The following ASAP1 variants were observed in gnomAD, a reference collection of about 807,000 sequenced individuals.
ASAP1 encodes arf-GAP with SH3 domain, ANK repeat and PH domain-containing protein 1.
A neutral mutation model predicts 145.2 loss-of-function variants in ASAP1; 43 were observed. The ratio of observed to expected loss-of-function variants is 0.30; its 90% CI spans 0.23 to 0.38. The LOEUF is 0.38. Ranked by LOEUF, ASAP1 falls within the 10% of genes least tolerant of loss-of-function variation. The probability of loss-of-function intolerance (pLI) is 1.00; values close to 1 mark genes in which losing one functional copy is unlikely to be tolerated. For missense variants in ASAP1, 1,018 were observed against 1,355.3 expected (o/e 0.75, Z 3.91); for synonymous variants, 546 against 515.5 (o/e 1.06, Z -0.80).
intron 15 of ASAP1, among the ~76,000 whole-genome samples, chr8:130,130,751 G>A (rs896663677): frequency 2.0e-5 from 3 of 152,112 alleles, no homozygotes; most frequent in Non-Finnish European, 4.4e-5. Flanking sequence ...ATCTGCCTAA[G>A]GTTAAAAAGC....
At chr8:130,088,631 C>T (rs955508525) in intron 25 of ASAP1, among the ~76,000 whole-genome samples, 2 of 152,128 alleles carry the variant, frequency 1.3e-5, no homozygotes, top group African/African-American at 4.8e-5. Context: ...GATTTTGGAC[C>T]TCTAGCTTCT....
intron 3 of ASAP1, among the ~76,000 whole-genome samples, chr8:130,323,257 A>C (rs1824123063): frequency 6.6e-6 from 1 of 152,230 alleles, no homozygotes. Context: ...TTCAAGCCTG[A>C]ACATTACGGA....
intron 3 of ASAP1, among the ~76,000 whole-genome samples, chr8:130,270,249 G>T (rs1450504368): frequency 6.6e-6 from 1 of 152,152 alleles, no homozygotes; most frequent in Non-Finnish European, 1.5e-5. Context: ...GTCACTTTGG[G>T]CCCATGTTTC....
intron 1 of ASAP1, among the ~76,000 whole-genome samples, chr8:130,436,020 G>GC (rs1381555869): frequency 6.6e-6 from 1 of 152,174 alleles, no homozygotes; most frequent in African/African-American, 2.4e-5. Context: ...GAGCCACTAA[G>GC]CCCCCAAACC....
chr8:130,052,665 G>GGGGAAA lies in ASAP1; in HGVS notation c.*2060_*2065dup, dbSNP rs1178329980. 4 of 150,840 alleles carry GGGGAAA rather than the reference G, an allele frequency of 2.7e-5. No homozygotes were observed. The East Asian group carries it at 7.7e-4, about 29-fold the overall frequency. The allele number at this position is 150,840 out of a possible 1,614,324, so 9.3% of individuals were successfully genotyped here. On this transcript the variant is annotated 3_prime_UTR_variant, in exon 30 of 30. Coordinates refer to ENST00000518721, the MANE Select transcript of ASAP1 (RefSeq NM_018482.4). Reference sequence around the variant, plus strand: ...AAATGCTGTGTAAGTTGCTGCAAAAGGGGAAAAAGAATAGACACTAACTCC... The same window carrying GGGGAAA: ...AAATGCTGTGTAAGTTGCTGCAAAAGGGGAAAGGGAAAAAGAATAGACACTAACTCC...
At chr8:130,059,731 C>T (rs1433721119) in intron 28 of ASAP1, among the ~76,000 whole-genome samples, 16 of 152,066 alleles carry the variant, frequency 1.1e-4, no homozygotes, top group African/African-American at 3.4e-4. Flanking sequence ...TCTATTATAT[C>T]GAGAGCTTTA....
Position 130,300,190 on chromosome 8 carries a change from A to AGAGAGAGAGC in ASAP1, c.186+57826_186+57827insGCTCTCTCTC. Among the ~76,000 whole-genome samples, 7 of 148,386 alleles carry AGAGAGAGAGC rather than the reference A, an allele frequency of 4.7e-5. 1 individual carries two copies. In the Admixed American group the frequency reaches 4.7e-4, roughly 10 times the overall value. On this transcript the variant is annotated intron_variant, in intron 3 of 29. Coordinates refer to ENST00000518721, the MANE Select transcript of ASAP1 (RefSeq NM_018482.4). ...GAGAGAGAGAGAGAGAGAGAGAGCG[A>AGAGAGAGAGC]GCGAGCGAGCAGTCAATACAAAAGG... is the stretch of plus-strand genomic sequence containing the variant.
intron 11 of ASAP1, chr8:130,160,672 T>C (rs2097667300): frequency 5.1e-6 from 3 of 591,962 alleles, no homozygotes; most frequent in African/African-American, 2.0e-5. Flanking sequence ...GAAACAGCCA[T>C]TACATTACGA....
intron 3 of ASAP1, among the ~76,000 whole-genome samples, chr8:130,260,567 C>A (rs1470118860): frequency 6.6e-6 from 1 of 152,210 alleles, no homozygotes; most frequent in East Asian, 1.9e-4. Flanking sequence ...AGGACTAAAT[C>A]TGGGTGTGGC....
chr8:130,138,307 C>T (rs190597838), intron 13 of ASAP1, among the ~76,000 whole-genome samples: 1 of 152,312 alleles, frequency 6.6e-6, no homozygotes, highest in African/African-American at 2.4e-5. Flanking sequence ...AAACAATGCC[C>T]TTTGTCCCAT....
intron 4 of ASAP1, among the ~76,000 whole-genome samples, chr8:130,219,191 CAT>C (rs1282712150): frequency 2.7e-4 from 33 of 123,470 alleles, no homozygotes; most frequent in African/African-American, 8.7e-4. Flanking sequence ...ACAGGTCTCA[CAT>C]GTCTTTTTTT....
chr8:130,077,867 C>A (rs2097467333), intron 26 of ASAP1, among the ~76,000 whole-genome samples: 1 of 152,116 alleles, frequency 6.6e-6, no homozygotes, highest in Non-Finnish European at 1.5e-5. Context: ...CACCACTAAA[C>A]AAGAAACAGT....
chr8:130,426,434 C>G (rs1829921098), intron 1 of ASAP1, among the ~76,000 whole-genome samples: 2 of 151,830 alleles, frequency 1.3e-5, no homozygotes, highest in Non-Finnish European at 1.5e-5. Flanking sequence ...AAGGGTAAGC[C>G]AAGCTCATAT....
In ASAP1 at chr8:130,072,824, T is replaced by TGCGTGCGCGCGCGC. The variant is rs1554816413; in HGVS notation, c.2701+3523_2701+3524insGCGCGCGCGCACGC. 7.1e-4 allele frequency among the ~76,000 whole-genome samples: 23 copies of TGCGTGCGCGCGCGC among 32,316 alleles called. 2 individuals are homozygous for TGCGTGCGCGCGCGC. The South Asian group carries it at 0.039, about 55-fold the overall frequency. 21.2% of individuals were successfully genotyped at this position (32,316 alleles called of 152,430 possible). On this transcript the variant is annotated intron_variant, in intron 27 of 29. Coordinates refer to ENST00000518721, the MANE Select transcript of ASAP1 (RefSeq NM_018482.4). ...GTGTGTGTGTGTGTGTGTGTGTGTG[T>TGCGTGCGCGCGCGC]GCGCGCGGGGGGGGGCAGTTTTGGG...
intron 3 of ASAP1, among the ~76,000 whole-genome samples, chr8:130,306,416 C>T (rs1227156198): frequency 6.6e-6 from 1 of 152,170 alleles, no homozygotes; most frequent in African/African-American, 2.4e-5. Flanking sequence ...CACTGACAAC[C>T]CCTTTAGTCT....
At chr8:130,222,696 A>AATT (rs1158975961) in intron 4 of ASAP1, among the ~76,000 whole-genome samples, 2 of 152,224 alleles carry the variant, frequency 1.3e-5, no homozygotes, top group Non-Finnish European at 2.9e-5. Context: ...TAATAATAAT[A>AATT]ATTTGCAATC....
chr8:130,436,461 A>G (rs769050214), intron 1 of ASAP1, among the ~76,000 whole-genome samples: 1 of 152,050 alleles, frequency 6.6e-6, no homozygotes, highest in East Asian at 1.9e-4. Flanking sequence ...ATGTCTGGCT[A>G]ATTTTTGTTA....
intron 15 of ASAP1, among the ~76,000 whole-genome samples, chr8:130,128,402 G>A (rs1037832234): frequency 2.0e-5 from 3 of 152,038 alleles, no homozygotes; most frequent in Admixed American, 2.0e-4. Flanking sequence ...GCATTTCCGT[G>A]TGGGCATACT....
At chr8:130,233,066 A>G (rs1486039148) in intron 4 of ASAP1, among the ~76,000 whole-genome samples, 10 of 152,172 alleles carry the variant, frequency 6.6e-5, no homozygotes, top group Non-Finnish European at 1.5e-4. Context: ...CAGCTATACT[A>G]TACTTGTTCG....
Sources: allele counts gnomAD v4.1 joint callset (sites outside exome capture counted in the v4.1 genomes callset), GRCh38; gene constraint gnomAD v4.1.1; transcripts MANE v1.5; gene names NCBI Gene and HGNC (gene_info 2026-07-23, HGNC 2026-07-21).